PRKCH: variants seen among roughly 807,000 people sequenced by gnomAD.
The protein encoded by PRKCH is protein kinase C eta.
Under a neutral mutation model 82.5 loss-of-function variants are expected in PRKCH, and 28 were observed. The observed-to-expected ratio is 0.34, with a 90% CI of 0.25 to 0.47. The LOEUF (loss-of-function observed/expected upper bound fraction) is 0.47, where lower values mean the gene tolerates loss of function less well. Ranked by LOEUF, PRKCH falls within the 20% of genes least tolerant of loss-of-function variation. PRKCH has a pLI of 1.00. For missense variants in PRKCH, 705 were observed against 881.8 expected, an observed-to-expected ratio of 0.80 and a Z score of 2.54; for synonymous variants, 322 against 327.4, an observed-to-expected ratio of 0.98 and a Z score of 0.18.
At chr14:61,401,486 C>A (rs914088924) in intron 2 of PRKCH, among the ~76,000 whole-genome samples, 3 of 152,186 alleles carry the variant, frequency 2.0e-5, no homozygotes, top group Non-Finnish European at 1.5e-5. Flanking sequence ...GTCTGCAGTT[C>A]CAAACTGTTT....
intron 1 of PRKCH, among the ~76,000 whole-genome samples, chr14:61,363,990 GTGTGTATATATATATT>G (rs1253792096): frequency 3.4e-5 from 5 of 145,190 alleles, no homozygotes; most frequent in Admixed American, 6.9e-5. Context: ...GTATATGTGT[GTGTGTATATATATATT>G]TGTGTGTATA....
upstream of PRKCH, among the ~76,000 whole-genome samples, chr14:61,316,981 G>A (rs931738402): frequency 1.3e-5 from 2 of 152,328 alleles, no homozygotes; most frequent in Middle Eastern, 3.4e-3. Context: ...GAGCCAGATG[G>A]TGAGAGGGTA....
intron 6 of PRKCH, among the ~76,000 whole-genome samples, chr14:61,451,221 A>G (rs1390584840): frequency 6.6e-6 from 1 of 152,240 alleles, no homozygotes; most frequent in Non-Finnish European, 1.5e-5. Flanking sequence ...TCGCTAGCTG[A>G]CAAATACAGC....
At chr14:61,224,184 T>G (rs540423754) in intron 1 of PRKCH, among the ~76,000 whole-genome samples, 1 of 152,322 alleles carries the variant, frequency 6.6e-6, no homozygotes, top group African/African-American at 2.4e-5. Context: ...ATCTTTTTAT[T>G]TTTACTTTTC....
chr14:61,447,827 A>C (rs1015131855), intron 4 of PRKCH, among the ~76,000 whole-genome samples: 2 of 152,244 alleles, frequency 1.3e-5, no homozygotes, highest in Non-Finnish European at 1.5e-5. Flanking sequence ...CATTAAATGC[A>C]TACAGTAGGA....
At chr14:61,196,523 A>G (rs1379187842) in intron 1 of PRKCH, among the ~76,000 whole-genome samples, 2 of 152,228 alleles carry the variant, frequency 1.3e-5, no homozygotes, top group Non-Finnish European at 2.9e-5. Flanking sequence ...GAAGTACAGG[A>G]TAGGGAACAA....
intron 1 of PRKCH, among the ~76,000 whole-genome samples, chr14:61,253,970 CCCTCCCT>C (rs1440939757): frequency 1.6e-5 from 2 of 125,754 alleles, no homozygotes; most frequent in Non-Finnish European, 3.3e-5. Flanking sequence ...CTTCTTCCCT[CCCTCCCT>C]CCTCCCTCCC....
chr14:61,458,892 A>G (rs1024004991), intron 9 of PRKCH, among the ~76,000 whole-genome samples: 6 of 152,182 alleles, frequency 3.9e-5, no homozygotes, highest in African/African-American at 1.2e-4. Flanking sequence ...CCCTTCCCCA[A>G]CATTAGAGAT....
chr14:61,548,020 C>A, intron 13 of PRKCH, 134 bp downstream of exon 13: 1 of 1,192,802 alleles, frequency 8.4e-7, no homozygotes, highest in Non-Finnish European at 1.2e-6. Flanking sequence ...ACAGGGCAGC[C>A]TCCCCTGGGG....
intron 1 of PRKCH, among the ~76,000 whole-genome samples, chr14:61,240,362 C>A (rs1327734366): frequency 6.6e-6 from 1 of 152,066 alleles, no homozygotes; most frequent in African/African-American, 2.4e-5. Flanking sequence ...TTCGTTTAAC[C>A]AGCTGTGTCA....
intron 10 of PRKCH, among the ~76,000 whole-genome samples, chr14:61,493,384 G>T (rs1194338350): frequency 6.6e-6 from 1 of 152,166 alleles, no homozygotes; most frequent in Non-Finnish European, 1.5e-5. Context: ...AGTAAGAAGG[G>T]CTAGAGGGCA....
At chr14:61,442,298 C>CACCTATTCCAGGTTAATTTCT (rs1159579370) in intron 2 of PRKCH, among the ~76,000 whole-genome samples, 2 of 152,176 alleles carry the variant, frequency 1.3e-5, no homozygotes, top group African/African-American at 2.4e-5. Context: ...AGGAATTTTG[C>CACCTATTCCAGGTTAATTTCT]ACCTATTCCA....
chr14:61,373,039 C>A (rs1250323988), intron 1 of PRKCH, among the ~76,000 whole-genome samples: 4 of 151,982 alleles, frequency 2.6e-5, no homozygotes, highest in Non-Finnish European at 5.9e-5. Flanking sequence ...CATCTGAAAC[C>A]AGTCTGGTTT....
intron 2 of PRKCH, among the ~76,000 whole-genome samples, chr14:61,414,307 C>G (rs1176338612): frequency 6.7e-6 from 1 of 149,782 alleles, no homozygotes; most frequent in African/African-American, 2.5e-5. Flanking sequence ...GAGTCTCACT[C>G]TGTCACCCAG....
chr14:61,199,314 T>C (rs1364413100), intron 1 of PRKCH, among the ~76,000 whole-genome samples: 2 of 152,306 alleles, frequency 1.3e-5, no homozygotes, highest in East Asian at 1.9e-4. Flanking sequence ...AGCTGAATGA[T>C]TGGACTCAAT....
intron 10 of PRKCH, among the ~76,000 whole-genome samples, chr14:61,503,021 T>C (rs1886988339): frequency 7.3e-6 from 1 of 136,886 alleles, no homozygotes; most frequent in African/African-American, 3.1e-5. Context: ...TTTTTTTTTT[T>C]TGACTCCTAC....
Position 61,240,925 on chromosome 14 carries a change from C to G in PRKCH, c.-19+53257C>G, listed in dbSNP as rs539050472. Among the ~76,000 whole-genome samples, 24 of 145,190 alleles carry G rather than the reference C, an allele frequency of 1.7e-4. No individual in the cohort carries two copies. The South Asian group carries it at 5.6e-3, about 34-fold the overall frequency. On this transcript the variant is annotated intron_variant, in intron 1 of 3. Transcript: ENST00000555185. ...AACTAAATGTGTGAGGTTTTTTCCCCACACACCAAGCAAGCGTCAATTCTA... is the reference window on the plus strand; with the variant it reads ...AACTAAATGTGTGAGGTTTTTTCCCGACACACCAAGCAAGCGTCAATTCTA...
intron 12 of PRKCH, chr14:61,545,235 C>G (rs903476784): frequency 1.3e-5 from 2 of 152,194 alleles, no homozygotes; most frequent in African/African-American, 2.4e-5. Context: ...TATGTTAATT[C>G]TGTTCGTCCT....
chr14:61,490,787 A>C (rs989806264), intron 10 of PRKCH, among the ~76,000 whole-genome samples: 1 of 152,108 alleles, frequency 6.6e-6, no homozygotes, highest in Non-Finnish European at 1.5e-5. Flanking sequence ...GGTGTAGTGC[A>C]CACCTGTGTA....
Sources: gnomAD v4.1 joint callset for allele counts (sites outside exome capture counted in the v4.1 genomes callset) on GRCh38, gnomAD v4.1.1 for gene constraint, MANE v1.5 for transcripts, NCBI Gene and HGNC (gene_info 2026-07-23, HGNC 2026-07-21) for gene names.